ZC3H4: variants seen among roughly 807,000 people sequenced by gnomAD.
ZC3H4 encodes the protein zinc finger CCCH domain-containing protein 4.
ZC3H4 carries 13 observed loss-of-function variants against 108.3 expected under a neutral mutation model. That is an observed-to-expected ratio of 0.12 (90% confidence interval 0.08 to 0.19). ZC3H4 has a LOEUF of 0.19. Ranked by LOEUF, ZC3H4 falls within the 10% of genes least tolerant of loss-of-function variation. The probability of loss-of-function intolerance (pLI) is 1.00; values close to 1 mark genes in which losing one functional copy is unlikely to be tolerated. For missense variants in ZC3H4, 1,734 were observed against 1,838.8 expected (o/e 0.94, Z 1.04); for synonymous variants, 917 against 749.6 (o/e 1.22, Z -3.65).
At chr19:47,090,239 G>A (rs1250295217) in intron 4 of ZC3H4, 50 bp from the exon 5 acceptor site, 1 of 1,601,194 alleles carries the variant, frequency 6.2e-7, no homozygotes, top group Admixed American at 1.7e-5. Context: ...CACAGCCGTG[G>A]GTGCAGACTA....
chr19:47,077,130 A>G (rs1434667209), intron 11 of ZC3H4, among the ~76,000 whole-genome samples: 2 of 152,064 alleles, frequency 1.3e-5, no homozygotes, highest in East Asian at 3.9e-4. Context: ...ACTGCACTCC[A>G]GCCTGGACGA....
chr19:47,092,753 G>A (rs975656656), intron 4 of ZC3H4, among the ~76,000 whole-genome samples: 3 of 151,976 alleles, frequency 2.0e-5, no homozygotes, highest in African/African-American at 7.3e-5. Context: ...AGAGGTGGAA[G>A]TTGCAGTGAA....
Position 47,066,503 on chromosome 19 carries a change from G to A in ZC3H4, c.3765C>T (p.Leu1255=), listed in dbSNP as rs758683467. ...PGVHNLPVPT[L]FGTVKQTPKT... ...TGGGTGTCTGCTTCACCGTCCCGAA[G>A]AGGGTGGGCACGGGCAGGTTGTGCA... Residue 1255 remains leucine, a synonymous_variant, in exon 15 of 15, where the codon CTC becomes CTT. Coordinates refer to ENST00000253048, the MANE Select transcript of ZC3H4 (RefSeq NM_015168.2). 6.3e-7 allele frequency: 1 copy of A among 1,579,326 alleles called. No homozygotes were observed. Among genetic ancestry groups the A allele is most frequent in the Non-Finnish European group, 8.6e-7 (1 of 1,161,568 alleles).
Position 47,072,165 on chromosome 19 carries a change from G to A in ZC3H4, c.1803-44C>T, listed in dbSNP as rs770862665. On this transcript the variant is annotated intron_variant, in intron 12 of 14. Transcript: ENST00000253048. The surrounding 1 kb of genome is among the most constrained non-coding windows in gnomAD (Gnocchi z 5.6). ...GCCTGTGACGGAAGCTGCCGAGGAG[G>A]GCAGTGGCCACACCCCAGAGGAGAG... 5.4e-6 allele frequency: 8 copies of A among 1,478,434 alleles called. No individual in the cohort carries two copies. The highest frequency in any genetic ancestry group is 6.3e-6 in the Non-Finnish European group (7 of 1,112,866). The allele number at this position is 1,478,434 out of a possible 1,614,324, so 91.6% of individuals were successfully genotyped here.
At chr19:47,106,402 T>C (rs917637081) in intron 2 of ZC3H4, among the ~76,000 whole-genome samples, 5 of 152,144 alleles carry the variant, frequency 3.3e-5, no homozygotes, top group African/African-American at 1.2e-4. Flanking sequence ...CTATTAATAC[T>C]ATGAGGTGCC....
At chr19:47,074,824 A>G (rs567954893) in intron 11 of ZC3H4, among the ~76,000 whole-genome samples, 12 of 152,304 alleles carry the variant, frequency 7.9e-5, no homozygotes, top group African/African-American at 2.9e-4. Flanking sequence ...GTCCACAGGA[A>G]GAGGATGCGC....
intron 2 of ZC3H4, among the ~76,000 whole-genome samples, chr19:47,102,930 G>A (rs1304030796): frequency 1.3e-5 from 2 of 152,116 alleles, no homozygotes; most frequent in East Asian, 1.9e-4. Flanking sequence ...AACCACTTAG[G>A]CAGAACATTT....
chr19:47,093,787 G>T, intron 4 of ZC3H4, 183 bp downstream of exon 4: 1 of 501,358 alleles, frequency 2.0e-6, no homozygotes, highest in Non-Finnish European at 3.5e-6. Context: ...GGTTGTCTGG[G>T]CTGCCTTGTT....
At chr19:47,106,462 G>C (rs1381182475) in intron 2 of ZC3H4, among the ~76,000 whole-genome samples, 2 of 152,130 alleles carry the variant, frequency 1.3e-5, no homozygotes, top group African/African-American at 2.4e-5. Flanking sequence ...CAATAAAAGA[G>C]AAAAAACAAA....
chr19:47,088,126 T>G (rs1224538140), intron 5 of ZC3H4, among the ~76,000 whole-genome samples: 1 of 151,886 alleles, frequency 6.6e-6, no homozygotes. Flanking sequence ...TGAGTCAAAA[T>G]TGTGCCACTG....
Position 47,065,139 on chromosome 19 carries a change from C to G in ZC3H4, c.*1217G>C, listed in dbSNP as rs2057176806. The G allele has an allele frequency of 6.6e-6, 1 of 152,282 alleles. No individual in the cohort carries two copies. Among genetic ancestry groups the G allele is most frequent in the Admixed American group, 6.5e-5 (1 of 15,280 alleles). The allele number at this position is 152,282 out of a possible 1,614,324, so 9.4% of individuals were successfully genotyped here. ...CTCCTCCAGGGCTCTGCAGATGAGG[C>G]TGGCCCTCAGCCAGGGTGGGAGCAT... On this transcript the variant is annotated 3_prime_UTR_variant, in exon 15 of 15. Coordinates refer to ENST00000253048, the MANE Select transcript of ZC3H4 (RefSeq NM_015168.2).
At position 47,082,169 on chromosome 19, in the gene ZC3H4, G is replaced by A. The variant is rs903611207; in HGVS notation, c.1330+15C>T. Reference sequence around the variant, plus strand: ...TGCGCCCTCATTCAGACCAGATGCTGGCACTAAAGGATATCGTGCATATAA... The same window carrying A: ...TGCGCCCTCATTCAGACCAGATGCTAGCACTAAAGGATATCGTGCATATAA... On this transcript the variant is annotated intron_variant, in intron 10 of 14. Coordinates refer to ENST00000253048, the MANE Select transcript of ZC3H4 (RefSeq NM_015168.2). 3 of 1,597,608 alleles carry A rather than the reference G, an allele frequency of 1.9e-6. No individual in the cohort carries two copies. The African/African-American group carries it at 4.0e-5, about 21-fold the overall frequency.
intron 2 of ZC3H4, among the ~76,000 whole-genome samples, chr19:47,104,534 T>G (rs1035971017): frequency 6.6e-6 from 1 of 152,180 alleles, no homozygotes; most frequent in African/African-American, 2.4e-5. Flanking sequence ...TTTGGTCAAT[T>G]TCATCAATAG....
At chr19:47,070,873 G>GC (rs1245941524) in intron 13 of ZC3H4, among the ~76,000 whole-genome samples, 1 of 152,106 alleles carries the variant, frequency 6.6e-6, no homozygotes, top group Non-Finnish European at 1.5e-5. Context: ...GGCTCCCACT[G>GC]CCCCACGGCA....
Position 47,093,974 on chromosome 19 carries a change from G to A in ZC3H4, c.488C>T (p.Ala163Val), listed in dbSNP as rs202024973. 511 of 1,612,730 alleles carry A rather than the reference G, an allele frequency of 3.2e-4. 1 individual carries two copies. In the African/African-American group the frequency reaches 5.9e-3, roughly 19 times the overall value. Residue 163 changes from alanine (A) to valine (V), a missense_variant, in exon 4 of 15, where the codon GCG (alanine) becomes GTG (valine). Physicochemically the swap from Ala to Val is moderately conservative, Grantham distance 64. Around this residue, in one of 9 missense-constraint regions of ZC3H4, gnomAD observed 403 missense variants for 457.0 expected, o/e 0.88. Coordinates refer to ENST00000253048, the MANE Select transcript of ZC3H4 (RefSeq NM_015168.2). ...RKYREYSPPY[A>V]PSHQQYPPSH... ...CAGTGCATGCCAGTCACTCACCGGC[G>A]CATATGGGGGGCTGTACTCTCTGTA...
In ZC3H4 at chr19:47,067,304, G is replaced by A. The variant is rs2122653516; in HGVS notation, c.2964C>T (p.Pro988=). 1 of 1,593,874 alleles carries A rather than the reference G, an allele frequency of 6.3e-7. No homozygotes were observed. Among genetic ancestry groups the A allele is most frequent in the Non-Finnish European group, 8.6e-7 (1 of 1,169,042 alleles). ...GGGGCACTGCGTCCTGCTTGGGGAT[G>A]GGTAGGGGGATCAGGTCCTCGGGAT... ...LWNPEDLIPL[P]IPKQDAVPPV... The change falls in exon 15 of 15, where the codon CCC becomes CCT. Residue 988 remains proline (P), a synonymous_variant. Transcript: ENST00000253048. This position sits in a 1 kb window ranked among gnomAD's most constrained non-coding sequence, Gnocchi z 6.4.
intron 13 of ZC3H4, among the ~76,000 whole-genome samples, 153 bp downstream of exon 13, chr19:47,071,625 T>C (rs1220823096): frequency 1.3e-5 from 2 of 152,212 alleles, no homozygotes; most frequent in Non-Finnish European, 2.9e-5. Flanking sequence ...ATACATCCTA[T>C]GTCACTGAAA....
chr19:47,071,495 C>CA (rs1262391498), intron 13 of ZC3H4, among the ~76,000 whole-genome samples: 1 of 152,218 alleles, frequency 6.6e-6, no homozygotes. Flanking sequence ...CTCAGCCTCA[C>CA]ACCCTTGCAC....
At chr19:47,079,122 C>T (rs1184339144) in intron 11 of ZC3H4, among the ~76,000 whole-genome samples, 1 of 149,986 alleles carries the variant, frequency 6.7e-6, no homozygotes, top group Non-Finnish European at 1.5e-5. Flanking sequence ...CACCGCCTCC[C>T]GGGTTCAAGC....
Sources: gnomAD v4.1 joint callset for allele counts (sites outside exome capture counted in the v4.1 genomes callset) on GRCh38, gnomAD v4.1.1 for gene constraint, gnomAD v4.1.1 regional missense constraint, Gnocchi (gnomAD v3.1) non-coding constraint, MANE v1.5 for transcripts, NCBI Gene and HGNC (gene_info 2026-07-23, HGNC 2026-07-21) for gene names.